SYNPO2: variants seen among roughly 807,000 people sequenced by gnomAD.
SYNPO2 encodes the protein synaptopodin-2.
A neutral mutation model predicts 85.0 loss-of-function variants in SYNPO2; 56 were observed. The ratio of observed to expected loss-of-function variants is 0.66; its 90% CI spans 0.53 to 0.82. SYNPO2 has a LOEUF of 0.82. Among genes scored for constraint, SYNPO2 ranks in the 40% least tolerant of loss-of-function variants. The probability of loss-of-function intolerance (pLI) is 0.00; values close to 1 mark genes in which losing one functional copy is unlikely to be tolerated. For synonymous variants in SYNPO2, 602 were observed against 591.1 expected, an observed-to-expected ratio of 1.02 and a Z score of -0.27; for missense variants, 1,575 against 1,534.2, an observed-to-expected ratio of 1.03 and a Z score of -0.44.
chr4:118,885,924 A>G (rs964848542), upstream of SYNPO2, among the ~76,000 whole-genome samples: 1 of 152,232 alleles, frequency 6.6e-6, no homozygotes, highest in Non-Finnish European at 1.5e-5. Flanking sequence ...CCCTGGCTCT[A>G]TCGCTTAGGA....
At chr4:118,853,198 C>T (rs905634682) in intron 1 of SYNPO2, among the ~76,000 whole-genome samples, 3 of 152,148 alleles carry the variant, frequency 2.0e-5, no homozygotes, top group East Asian at 1.9e-4. Flanking sequence ...TTTGTATTTT[C>T]CTTTCAGCTC....
In SYNPO2 at chr4:119,022,264, A is replaced by T. The variant is rs894682958; in HGVS notation, c.106-1166A>T. ...TCACCTTGGCAATGGGAAGGATTTT[A>T]AAATTTATTGTAATGCAGGAGGTTA... On this transcript the variant is annotated intron_variant, in intron 1 of 4. Transcript: ENST00000307142. Among the ~76,000 whole-genome samples, 11 of 152,228 alleles carry T rather than the reference A, an allele frequency of 7.2e-5. No homozygotes were observed. In the South Asian group the frequency reaches 2.3e-3, roughly 32 times the overall value.
intron 4 of SYNPO2, chr4:119,033,339 T>C (rs1738365941): frequency 2.0e-6 from 2 of 985,342 alleles, no homozygotes; most frequent in African/African-American, 3.5e-5. Flanking sequence ...TTGTATTCGA[T>C]GGACCAGGAT....
At chr4:119,007,233 TATATATATATATGTATATAC>T (rs1180793109) in intron 1 of SYNPO2, among the ~76,000 whole-genome samples, 568 of 41,748 alleles carry the variant, frequency 0.014, 1 homozygote, top group African/African-American at 0.021. Context: ...TATATATATA[TATATATATATATGTATATAC>T]ATATATATAT....
intron 1 of SYNPO2, among the ~76,000 whole-genome samples, chr4:118,946,311 T>G (rs1180154234): frequency 6.6e-6 from 1 of 152,050 alleles, no homozygotes; most frequent in Non-Finnish European, 1.5e-5. Flanking sequence ...ACTTTAAAGG[T>G]TTAGGAAGAA....
rs1321590365 is a variant in SYNPO2, at chr4:119,031,821, C to A, written c.3046C>A (p.Pro1016Thr). 1 of 1,614,232 alleles carries A rather than the reference C, an allele frequency of 6.2e-7. No individual in the cohort carries two copies. The highest frequency in any genetic ancestry group is 2.2e-5 in the East Asian group (1 of 44,888). Reference protein sequence around the residue: ...LPPRPVNAASPTNVQASSVYS... With the variant: ...LPPRPVNAASTTNVQASSVYS... Reference sequence around the variant, plus strand: ...TCCCCGGCCAGTGAATGCTGCCTCACCTACGAATGTGCAGGCTTCGTCAGT... The same window carrying A: ...TCCCCGGCCAGTGAATGCTGCCTCAACTACGAATGTGCAGGCTTCGTCAGT... The change falls in exon 4 of 5, where the codon CCT (proline) becomes ACT (threonine). Residue 1016 changes from proline (P) to threonine (T), a missense_variant. Coordinates refer to ENST00000307142, the MANE Select transcript of SYNPO2 (RefSeq NM_133477.3).
rs1281647616 is a variant in SYNPO2, at chr4:119,007,261, T to TGTATATAC, written c.106-16169_106-16168insGTATATAC. Among the ~76,000 whole-genome samples, 72 of 29,366 alleles carry TGTATATAC rather than the reference T, an allele frequency of 2.5e-3. 1 individual carries two copies. The highest frequency in any genetic ancestry group is 0.015 in the Middle Eastern group (1 of 68). The allele number at this position is 29,366 out of a possible 152,430, so 19.3% of individuals were successfully genotyped here. ...ATATATATATGTATATACATATATA[T>TGTATATAC]ATATATATATATATGTATATACATA... is the stretch of plus-strand genomic sequence containing the variant. On this transcript the variant is annotated intron_variant, in intron 1 of 4. Transcript: ENST00000307142.
chr4:118,879,410 T>G (rs929776686), intron 1 of SYNPO2, among the ~76,000 whole-genome samples: 1 of 152,176 alleles, frequency 6.6e-6, no homozygotes, highest in East Asian at 1.9e-4. Flanking sequence ...AGTGGGGCTG[T>G]GCGAAGGTAA....
chr4:119,055,463 C>T (rs947035542), intron 4 of SYNPO2, among the ~76,000 whole-genome samples: 3 of 152,164 alleles, frequency 2.0e-5, no homozygotes, highest in African/African-American at 7.2e-5. Context: ...CCAAACTGGT[C>T]TTCTGTAATT....
chr4:119,002,558 T>C (rs1736861811), intron 1 of SYNPO2, among the ~76,000 whole-genome samples: 1 of 152,212 alleles, frequency 6.6e-6, no homozygotes, highest in South Asian at 2.1e-4. Flanking sequence ...ATGTCATTGG[T>C]TTTGTAGCCA....
At chr4:119,053,738 A>G (rs1291475159) in intron 4 of SYNPO2, among the ~76,000 whole-genome samples, 2 of 152,222 alleles carry the variant, frequency 1.3e-5, no homozygotes, top group Non-Finnish European at 2.9e-5. Context: ...TCAGTGCATA[A>G]GAGAAACACC....
chr4:118,917,626 C>T (rs74594157), intron 1 of SYNPO2, among the ~76,000 whole-genome samples: 7,630 of 149,380 alleles, frequency 0.051, 254 homozygotes, highest in South Asian at 0.088. Context: ...AAAACCAAAA[C>T]GTGGTTTCAT....
At chr4:118,970,768 C>A (rs1735510654) in intron 1 of SYNPO2, among the ~76,000 whole-genome samples, 1 of 152,148 alleles carries the variant, frequency 6.6e-6, no homozygotes, top group Non-Finnish European at 1.5e-5. Context: ...CTAAAGGTTC[C>A]CTTCATCTCA....
chr4:118,880,025 C>T (rs867785794), intron 1 of SYNPO2, among the ~76,000 whole-genome samples: 3 of 152,280 alleles, frequency 2.0e-5, no homozygotes, highest in Admixed American at 6.5e-5. Flanking sequence ...TTTCCTCTCC[C>T]TCTGAGACCC....
chr4:118,856,535 TTA>T (rs1731509537), intron 1 of SYNPO2, among the ~76,000 whole-genome samples: 1 of 152,198 alleles, frequency 6.6e-6, no homozygotes, highest in Non-Finnish European at 1.5e-5. Context: ...TCATTTTATT[TTA>T]TGTTTATTGA....
chr4:118,980,612 CA>C (rs1735968962), intron 1 of SYNPO2, among the ~76,000 whole-genome samples: 1 of 151,516 alleles, frequency 6.6e-6, no homozygotes. Context: ...ATTTCACTTA[CA>C]ATTTGAAAAA....
intron 4 of SYNPO2, chr4:119,037,234 A>G: frequency 6.6e-7 from 1 of 1,511,420 alleles, no homozygotes; most frequent in Non-Finnish European, 8.9e-7. Flanking sequence ...AAACACAAAG[A>G]AATCCTGCTT....
intron 1 of SYNPO2, among the ~76,000 whole-genome samples, chr4:119,007,990 G>A (rs1336783446): frequency 6.6e-6 from 1 of 152,170 alleles, no homozygotes; most frequent in Non-Finnish European, 1.5e-5. Context: ...AGAGGAGGAA[G>A]GGAATACAGA....
chr4:119,009,518 TCA>T (rs999393152), intron 1 of SYNPO2, among the ~76,000 whole-genome samples: 1 of 152,124 alleles, frequency 6.6e-6, no homozygotes, highest in African/African-American at 2.4e-5. Flanking sequence ...TCTGCCTGTT[TCA>T]CACACACATA....
Sources: gnomAD v4.1 joint callset for allele counts (sites outside exome capture counted in the v4.1 genomes callset) on GRCh38, gnomAD v4.1.1 for gene constraint, MANE v1.5 for transcripts, NCBI Gene and HGNC (gene_info 2026-07-23, HGNC 2026-07-21) for gene names.